The following TANC1 variants were observed in gnomAD, a reference collection of about 807,000 sequenced individuals.
TANC1 encodes protein TANC1.
A neutral mutation model predicts 149.7 loss-of-function variants in TANC1; 77 were observed. The observed-to-expected ratio is 0.51, with a 90% confidence interval of 0.43 to 0.62. The LOEUF (loss-of-function observed/expected upper bound fraction) is 0.62, where lower values mean the gene tolerates loss of function less well. Among genes scored for constraint, TANC1 ranks in the 20% least tolerant of loss-of-function variants. The pLI is 0.00. For missense variants in TANC1, 1,985 were observed against 2,321.8 expected (o/e 0.85, Z 2.98); for synonymous variants, 854 against 925.0 (o/e 0.92, Z 1.39).
intron 2 of TANC1, among the ~76,000 whole-genome samples, chr2:159,049,591 A>G (rs963599982): frequency 6.6e-6 from 1 of 152,156 alleles, no homozygotes; most frequent in Non-Finnish European, 1.5e-5. Context: ...CTAACGTTAC[A>G]GGTTTCAGCC....
intron 2 of TANC1, among the ~76,000 whole-genome samples, chr2:159,057,022 G>A (rs899017918): frequency 4.6e-5 from 7 of 152,208 alleles, no homozygotes; most frequent in African/African-American, 1.7e-4. Context: ...GAGGATAGGA[G>A]CAGTTTCATA....
At chr2:159,210,182 AG>A (rs2058889237) in intron 19 of TANC1, among the ~76,000 whole-genome samples, 1 of 152,114 alleles carries the variant, frequency 6.6e-6, no homozygotes, top group African/African-American at 2.4e-5. Context: ...ATGCATGAAA[AG>A]GTCATAGTCT....
Position 159,231,228 on chromosome 2 carries a change from C to T in TANC1, c.*216C>T. On this transcript the variant is annotated 3_prime_UTR_variant, in exon 27 of 27. Transcript: ENST00000263635. ...TGCTAAACAGAATTGAAAATTATATCAACTTAAAATTTTAAGACAGCCCAG... is the reference window on the plus strand; with the variant it reads ...TGCTAAACAGAATTGAAAATTATATTAACTTAAAATTTTAAGACAGCCCAG... 1 of 477,958 alleles carries T rather than the reference C, an allele frequency of 2.1e-6. No homozygotes were observed. Among genetic ancestry groups the T allele is most frequent in the Admixed American group, 3.7e-5 (1 of 26,678 alleles). The allele number at this position is 477,958 out of a possible 1,614,324, so 29.6% of individuals were successfully genotyped here.
rs1460133630 is a variant in TANC1 at position 159,025,162 on chromosome 2, T to TTC, written c.-16+23974_-16+23975insCT. ...TCTTTTTCTTTCTTTCTCTTTCTCT[T>TTC]TTTCTTTCTTTCTTTCTTTTTCTTT... On this transcript the variant is annotated intron_variant, in intron 2 of 26. Transcript: ENST00000263635. 4.6e-3 allele frequency among the ~76,000 whole-genome samples: 661 copies of TTC among 143,988 alleles called. 8 individuals are homozygous for TTC. Among genetic ancestry groups the TTC allele is most frequent in the African/African-American group, 0.013 (497 of 38,562 alleles). 94.5% of individuals were successfully genotyped at this position (143,988 alleles called of 152,430 possible).
At chr2:159,170,501 A>C (rs1321623438) in intron 9 of TANC1, 23 bp from the exon 10 acceptor site, 11 of 1,561,776 alleles carry the variant, frequency 7.0e-6, no homozygotes, top group Admixed American at 2.1e-5. Context: ...ATTTTTCTAA[A>C]ATTTTTTTTT....
At chr2:159,060,131 G>A (rs909370421) in intron 2 of TANC1, 14 of 963,670 alleles carry the variant, frequency 1.5e-5, no homozygotes, top group Admixed American at 6.2e-5. Flanking sequence ...GACTAACTAC[G>A]TTTTAAGAAC....
chr2:159,135,549 GATA>G (rs2050579838), intron 4 of TANC1, among the ~76,000 whole-genome samples: 1 of 152,268 alleles, frequency 6.6e-6, no homozygotes, highest in African/African-American at 2.4e-5. Context: ...CGGATTTTCT[GATA>G]ATAAGCAGGG....
chr2:159,031,271 G>A (rs993536406), intron 2 of TANC1, among the ~76,000 whole-genome samples: 1 of 152,236 alleles, frequency 6.6e-6, no homozygotes, highest in Non-Finnish European at 1.5e-5. Context: ...GAGCCAGCAA[G>A]GGGAGTGTGG....
At position 159,081,536 on chromosome 2, in the gene TANC1, G is replaced by T. The variant is rs572811209; in HGVS notation, c.61+15565G>T. Among the ~76,000 whole-genome samples the T allele has an allele frequency of 1.2e-4, 19 of 152,224 alleles. No individual in the cohort carries two copies. In the South Asian group the frequency reaches 3.3e-3, roughly 27 times the overall value. On this transcript the variant is annotated intron_variant, in intron 3 of 26. Coordinates refer to ENST00000263635, the MANE Select transcript of TANC1 (RefSeq NM_033394.3). ...GTGCATGTCACCACCAGCAGTCATA[G>T]CTTCCCAAATGGAGATGTGGCAGGA...
chr2:159,170,476 T>C, intron 9 of TANC1, 48 bp from the exon 10 acceptor site: 1 of 1,514,652 alleles, frequency 6.6e-7, no homozygotes. Context: ...GTTTCTTAGT[T>C]TATAAAATTA....
chr2:159,112,956 A>AT (rs1559282836), intron 4 of TANC1, among the ~76,000 whole-genome samples: 1 of 151,522 alleles, frequency 6.6e-6, no homozygotes, highest in Non-Finnish European at 1.5e-5. Context: ...TTTTAAAAAA[A>AT]TTTTTTTGAG....
At chr2:159,037,987 G>A (rs1476229113) in intron 2 of TANC1, among the ~76,000 whole-genome samples, 2 of 152,202 alleles carry the variant, frequency 1.3e-5, no homozygotes, top group African/African-American at 4.8e-5. Flanking sequence ...CTATCCATGA[G>A]CATGGAATGT....
chr2:159,131,220 A>C (rs1163643500), intron 4 of TANC1, among the ~76,000 whole-genome samples: 1 of 152,090 alleles, frequency 6.6e-6, no homozygotes, highest in Non-Finnish European at 1.5e-5. Context: ...TTTCCTTAGC[A>C]GTTACAAGTT....
At chr2:159,046,861 C>T (rs1427231207) in intron 2 of TANC1, among the ~76,000 whole-genome samples, 1 of 151,986 alleles carries the variant, frequency 6.6e-6, no homozygotes, top group Non-Finnish European at 1.5e-5. Flanking sequence ...GCCTCGGCCT[C>T]CCCAAAATGC....
chr2:159,054,948 G>C (rs1243323150), intron 2 of TANC1, among the ~76,000 whole-genome samples: 2 of 152,296 alleles, frequency 1.3e-5, no homozygotes, highest in African/African-American at 2.4e-5. Flanking sequence ...AGTATTCTTG[G>C]TGAAATAACA....
chr2:159,059,888 T>TTGTGTG (rs140659801), intron 2 of TANC1, among the ~76,000 whole-genome samples: 13,008 of 114,534 alleles, frequency 0.11, 875 homozygotes, highest in Middle Eastern at 0.19. Context: ...GCAGACCTCT[T>TTGTGTG]TGTGTGTGTG....
chr2:159,057,056 C>T (rs2041909135), intron 2 of TANC1, among the ~76,000 whole-genome samples: 1 of 152,166 alleles, frequency 6.6e-6, no homozygotes, highest in African/African-American at 2.4e-5. Flanking sequence ...GCCTGGTCTG[C>T]AGCCTAGTTT....
At position 159,200,552 on chromosome 2, in the gene TANC1, C is replaced by CT. The variant is rs566804853; in HGVS notation, c.3244+1502dup. On this transcript the variant is annotated intron_variant, in intron 19 of 26. Transcript: ENST00000263635. ...GAAGAAAATTCCAGAGAAGGGCTGA[C>CT]TTTGAAGGCTTTGTTTGAGCTCTCT... Among the ~76,000 whole-genome samples, 4 of 152,350 alleles carry CT rather than the reference C, an allele frequency of 2.6e-5. No homozygotes were observed. In the East Asian group the frequency reaches 5.8e-4, roughly 22 times the overall value.
Position 159,163,378 on chromosome 2 carries a change from G to A in TANC1, c.778G>A (p.Val260Met). 1 of 1,614,244 alleles carries A rather than the reference G, an allele frequency of 6.2e-7. No individual in the cohort carries two copies. The highest frequency in any genetic ancestry group is 8.5e-7 in the Non-Finnish European group (1 of 1,180,040). ...CCTAAGATTAGGGGTTCAGAAGGGA[G>A]TGCTTCATGACCGCAGGGCAGATAA... ...GNLRLGVQKG[V>M]LHDRRADNCS... The change falls in exon 8 of 27, where the codon GTG becomes ATG. Residue 260 changes from valine to methionine, a missense_variant. By Grantham distance (21) the Val-to-Met change is conservative. This residue lies in a region of TANC1 where 557 missense variants were observed against 612.9 expected (regional missense o/e 0.91). Transcript: ENST00000263635.
Sources: gnomAD v4.1 joint callset for allele counts (sites outside exome capture counted in the v4.1 genomes callset) on GRCh38, gnomAD v4.1.1 for gene constraint, gnomAD v4.1.1 regional missense constraint, MANE v1.5 for transcripts, NCBI Gene and HGNC (gene_info 2026-07-23, HGNC 2026-07-21) for gene names.